The following ARHGAP32 variants were observed in gnomAD, a reference collection of about 807,000 sequenced individuals.
ARHGAP32 encodes rho GTPase-activating protein 32.
In ARHGAP32, 51 loss-of-function variants were observed where a neutral mutation model predicts 186.5. The observed-to-expected ratio is 0.27, with a 90% CI of 0.22 to 0.35. The LOEUF (loss-of-function observed/expected upper bound fraction) is 0.35, where lower values mean the gene tolerates loss of function less well. ARHGAP32 is among the 10% of genes least tolerant of loss of function. The pLI is 1.00. For synonymous variants in ARHGAP32, 950 were observed against 964.3 expected (o/e 0.99, Z 0.27); for missense variants, 2,186 against 2,623.5 (o/e 0.83, Z 3.64).
In ARHGAP32 at chr11:129,062,213, A is replaced by G. The variant is rs1940528249; in HGVS notation, c.963+67T>C. The G allele has an allele frequency of 5.7e-6, 8 of 1,394,184 alleles. No homozygotes were observed. The South Asian group carries it at 8.2e-5, about 14-fold the overall frequency. The allele number at this position is 1,394,184 out of a possible 1,614,324, so 86.4% of individuals were successfully genotyped here. On this transcript the variant is annotated intron_variant, in intron 10 of 22. Transcript: ENST00000682385. Reference sequence around the variant, plus strand: ...AGTCCATTACCAGCACATGTAAACAAAAGTATTACTGAATCATAAAAAAAC... The same window carrying G: ...AGTCCATTACCAGCACATGTAAACAGAAGTATTACTGAATCATAAAAAAAC...
intron 2 of ARHGAP32, among the ~76,000 whole-genome samples, chr11:129,157,216 A>T (rs1194307362): frequency 1.3e-5 from 2 of 152,100 alleles, no homozygotes; most frequent in Non-Finnish European, 2.9e-5. Flanking sequence ...AGAAAACCAG[A>T]CAGAGAATGA....
At chr11:129,145,108 A>T (rs1178846046) in intron 2 of ARHGAP32, among the ~76,000 whole-genome samples, 1 of 152,058 alleles carries the variant, frequency 6.6e-6, no homozygotes, top group Non-Finnish European at 1.5e-5. Context: ...GCTCGCTAAA[A>T]ATACAGGGTT....
chr11:129,092,807 C>T (rs1200428574), intron 6 of ARHGAP32, among the ~76,000 whole-genome samples: 2 of 151,874 alleles, frequency 1.3e-5, no homozygotes, highest in African/African-American at 2.4e-5. Flanking sequence ...AATATAAATG[C>T]CCATATCTTA....
chr11:129,262,820 T>C (rs913505195), intron 1 of ARHGAP32, among the ~76,000 whole-genome samples: 2 of 152,226 alleles, frequency 1.3e-5, no homozygotes, highest in African/African-American at 4.8e-5. Context: ...ACCTTCACTT[T>C]ATTTTACTGT....
At chr11:129,182,607 T>TA (rs1253820033) in intron 1 of ARHGAP32, among the ~76,000 whole-genome samples, 11 of 150,834 alleles carry the variant, frequency 7.3e-5, no homozygotes, top group South Asian at 2.1e-4. Context: ...CTTCCTATTA[T>TA]AAAAAAAAAT....
At chr11:129,040,380 G>T (rs1270386976) in intron 11 of ARHGAP32, among the ~76,000 whole-genome samples, 2 of 151,922 alleles carry the variant, frequency 1.3e-5, no homozygotes, top group Non-Finnish European at 2.9e-5. Context: ...GCATTCTGTT[G>T]AATCTTCCCA....
chr11:129,077,615 C>T (rs1941085312), intron 6 of ARHGAP32, among the ~76,000 whole-genome samples: 1 of 152,076 alleles, frequency 6.6e-6, no homozygotes, highest in African/African-American at 2.4e-5. Flanking sequence ...GAGAATCACA[C>T]CCCATCCCCC....
At chr11:129,016,583 T>C (rs1409782909) in intron 11 of ARHGAP32, among the ~76,000 whole-genome samples, 1 of 152,246 alleles carries the variant, frequency 6.6e-6, no homozygotes, top group Non-Finnish European at 1.5e-5. Flanking sequence ...CGTCTGTTTC[T>C]GAGTTGTCTC....
chr11:129,277,532 C>G (rs1945547549), intron 1 of ARHGAP32, among the ~76,000 whole-genome samples: 1 of 152,214 alleles, frequency 6.6e-6, no homozygotes, highest in Non-Finnish European at 1.5e-5. Context: ...TCACCCACCT[C>G]AATGTGAACG....
intron 2 of ARHGAP32, among the ~76,000 whole-genome samples, chr11:129,128,147 T>C (rs1290088038): frequency 6.6e-6 from 1 of 152,228 alleles, no homozygotes; most frequent in African/African-American, 2.4e-5. Flanking sequence ...TTTAATCCTA[T>C]ACCGATAATT....
intron 12 of ARHGAP32, among the ~76,000 whole-genome samples, chr11:128,989,515 T>TACACACACACACACAC (rs1555065707): frequency 1.1e-5 from 1 of 87,184 alleles, no homozygotes; most frequent in Non-Finnish European, 2.2e-5. Context: ...TGTTTTTTAT[T>TACACACACACACACAC]TCACACACAC....
At chr11:129,241,637 C>T (rs1357770883) in intron 1 of ARHGAP32, among the ~76,000 whole-genome samples, 1 of 152,004 alleles carries the variant, frequency 6.6e-6, no homozygotes, top group Non-Finnish European at 1.5e-5. Flanking sequence ...AGGGCAAGAC[C>T]CCATGCAGAA....
intron 1 of ARHGAP32, among the ~76,000 whole-genome samples, chr11:129,167,393 C>T (rs991996977): frequency 1.3e-5 from 2 of 152,012 alleles, no homozygotes; most frequent in Admixed American, 6.6e-5. Flanking sequence ...AATAAAAACA[C>T]GTCTACCAAG....
At chr11:129,081,220 C>T (rs535891177) in intron 6 of ARHGAP32, among the ~76,000 whole-genome samples, 3 of 152,000 alleles carry the variant, frequency 2.0e-5, no homozygotes, top group Admixed American at 2.0e-4. Flanking sequence ...TCACACTATT[C>T]CAAAAGATAG....
chr11:129,050,824 A>C (rs913841633), intron 10 of ARHGAP32, among the ~76,000 whole-genome samples: 2 of 152,036 alleles, frequency 1.3e-5, no homozygotes, highest in Admixed American at 1.3e-4. Flanking sequence ...CCCATGTGTG[A>C]TGCTCCCATC....
At chr11:129,271,575 G>A (rs12273968) in intron 1 of ARHGAP32, among the ~76,000 whole-genome samples, 3,248 of 152,188 alleles carry the variant, frequency 0.021, 60 homozygotes, top group African/African-American at 0.048. Context: ...AGAGTCTAGA[G>A]CGCAAGGGGG....
intron 2 of ARHGAP32, among the ~76,000 whole-genome samples, chr11:129,155,580 T>G (rs919028601): frequency 6.6e-6 from 1 of 151,958 alleles, no homozygotes; most frequent in East Asian, 1.9e-4. Flanking sequence ...TCATAAAAAA[T>G]AACAAGATTG....
At chr11:129,035,925 C>T (rs578029800) in intron 11 of ARHGAP32, among the ~76,000 whole-genome samples, 1 of 152,248 alleles carries the variant, frequency 6.6e-6, no homozygotes, top group African/African-American at 2.4e-5. Flanking sequence ...TTTGAAGGTA[C>T]GCTAGGTTTT....
chr11:129,138,954 T>A (rs1212176081), intron 2 of ARHGAP32, among the ~76,000 whole-genome samples: 1 of 152,242 alleles, frequency 6.6e-6, no homozygotes, highest in Non-Finnish European at 1.5e-5. Flanking sequence ...TGGATTTTTA[T>A]CACAAAACCT....
Sources: allele counts gnomAD v4.1 joint callset (sites outside exome capture counted in the v4.1 genomes callset), GRCh38; gene constraint gnomAD v4.1.1; transcripts MANE v1.5; gene names NCBI Gene and HGNC (gene_info 2026-07-23, HGNC 2026-07-21).